The following PCDH11Y variants were observed in gnomAD, a reference collection of about 807,000 sequenced individuals.
PCDH11Y encodes the protein protocadherin 11 Y-linked, also known as protocadherin-11 Y-linked.
For synonymous variants in PCDH11Y, 9 were observed against 83.6 expected, an observed-to-expected ratio of 0.11 and a Z score of 4.87; for missense variants, 12 against 224.8, an observed-to-expected ratio of 0.05 and a Z score of 6.05.
chrY:5,147,352 T>C, intron 2 of PCDH11Y, among the ~76,000 whole-genome samples: 16 of 32,010 alleles, frequency 5.0e-4, no homozygotes, highest in Non-Finnish European at 1.1e-3. Context: ...TAAGTACACA[T>C]AGACATAAAG....
intron 4 of PCDH11Y, among the ~76,000 whole-genome samples, chrY:5,584,541 C>T: frequency 3.4e-5 from 1 of 29,752 alleles, no homozygotes; most frequent in African/African-American, 1.3e-4. Context: ...AGCAGTGAAA[C>T]CCTCTGGTCC....
At chrY:5,475,938 G>C in intron 2 of PCDH11Y, among the ~76,000 whole-genome samples, 1 of 32,618 alleles carries the variant, frequency 3.1e-5, no homozygotes, top group South Asian at 7.0e-4. Flanking sequence ...AGTAAAAATA[G>C]TACAAAAAAT....
chrY:5,079,021 A>T, intron 1 of PCDH11Y, among the ~76,000 whole-genome samples: 1 of 33,843 alleles, frequency 3.0e-5, no homozygotes, highest in South Asian at 6.6e-4. Flanking sequence ...TCCAGATGGG[A>T]GAAATTGGCC....
intron 2 of PCDH11Y, among the ~76,000 whole-genome samples, chrY:5,461,136 TA>T (rs2053302848): frequency 3.0e-5 from 1 of 33,610 alleles, no homozygotes; most frequent in Non-Finnish European, 7.4e-5. Flanking sequence ...TTGAATTATA[TA>T]CGTATATTAT....
At chrY:5,131,057 C>A in intron 2 of PCDH11Y, among the ~76,000 whole-genome samples, 1 of 32,496 alleles carries the variant, frequency 3.1e-5, no homozygotes, top group South Asian at 7.0e-4. Context: ...CATTACTGGG[C>A]ATATACCCAA....
At chrY:5,250,980 A>AG (rs2053003408) in intron 2 of PCDH11Y, among the ~76,000 whole-genome samples, 1 of 32,275 alleles carries the variant, frequency 3.1e-5, no homozygotes, top group Non-Finnish European at 7.6e-5. Context: ...GCCTTTTTAC[A>AG]GAAAAAAAAA....
chrY:5,120,602 G>A, intron 2 of PCDH11Y, among the ~76,000 whole-genome samples: 2 of 32,982 alleles, frequency 6.1e-5, no homozygotes, highest in African/African-American at 2.4e-4. Flanking sequence ...GTAGGTGAAT[G>A]TACTTTTAAA....
chrY:5,432,146 C>A (rs2053269544), intron 2 of PCDH11Y, among the ~76,000 whole-genome samples: 1 of 32,416 alleles, frequency 3.1e-5, no homozygotes, highest in African/African-American at 1.2e-4. Flanking sequence ...GTAAGATTAT[C>A]ATTTACTTAT....
intron 1 of PCDH11Y, among the ~76,000 whole-genome samples, chrY:5,003,426 C>A (rs2124617137): frequency 3.0e-5 from 1 of 33,258 alleles, no homozygotes; most frequent in Admixed American, 2.7e-4. Context: ...AAAAAAAACC[C>A]CCGTGGCTGC....
At chrY:5,678,541 T>TA (rs2053555501) in intron 4 of PCDH11Y, among the ~76,000 whole-genome samples, 1 of 33,321 alleles carries the variant, frequency 3.0e-5, no homozygotes, top group Non-Finnish European at 7.4e-5. Context: ...AAAAAGCCTT[T>TA]AAAAAAATAC....
At chrY:5,192,182 C>A in intron 2 of PCDH11Y, among the ~76,000 whole-genome samples, 2 of 30,168 alleles carry the variant, frequency 6.6e-5, no homozygotes, top group African/African-American at 1.3e-4. Context: ...TATCCACCCA[C>A]CCACCCCCAC....
At chrY:5,557,843 G>C (rs2053424500) in intron 3 of PCDH11Y, among the ~76,000 whole-genome samples, 2 of 31,759 alleles carry the variant, frequency 6.3e-5, no homozygotes, top group East Asian at 1.7e-3. Context: ...TTTAAGGTGT[G>C]TTCCTTTGAT....
At chrY:5,117,566 G>A in intron 2 of PCDH11Y, among the ~76,000 whole-genome samples, 1 of 31,931 alleles carries the variant, frequency 3.1e-5, no homozygotes, top group Admixed American at 2.9e-4. Context: ...TCAAAACTAT[G>A]GATTCTCTCG....
chrY:5,624,868 T>G, intron 4 of PCDH11Y, among the ~76,000 whole-genome samples: 7 of 33,015 alleles, frequency 2.1e-4, no homozygotes, highest in African/African-American at 7.0e-4. Context: ...ATTTAGACTC[T>G]TTTTTGATTC....
intron 1 of PCDH11Y, among the ~76,000 whole-genome samples, chrY:5,012,770 C>T: frequency 4.1e-5 from 1 of 24,374 alleles, no homozygotes; most frequent in Non-Finnish European, 9.2e-5. Flanking sequence ...AAAACATCTT[C>T]ATACTCTATT....
chrY:5,310,404 T>C, intron 2 of PCDH11Y, among the ~76,000 whole-genome samples: 4 of 33,183 alleles, frequency 1.2e-4, no homozygotes, highest in African/African-American at 4.7e-4. Flanking sequence ...GTACAGTAAC[T>C]AGTAGCTATG....
chrY:5,279,400 C>CAA (rs1317323743), intron 2 of PCDH11Y, among the ~76,000 whole-genome samples: 3 of 534 alleles, frequency 5.6e-3, no homozygotes, highest in South Asian at 0.17. Flanking sequence ...AATTCTGTCT[C>CAA]AAAAAAAAAA....
At chrY:5,005,206 T>C in intron 1 of PCDH11Y, among the ~76,000 whole-genome samples, 1 of 33,696 alleles carries the variant, frequency 3.0e-5, no homozygotes, top group Non-Finnish European at 7.3e-5. Context: ...AATTGGGCAA[T>C]AGATAGCACA....
intron 2 of PCDH11Y, among the ~76,000 whole-genome samples, chrY:5,466,516 TGAA>T (rs2053308329): frequency 3.1e-5 from 1 of 32,583 alleles, no homozygotes; most frequent in African/African-American, 1.2e-4. Context: ...TTACTATAAA[TGAA>T]GAATTCAATG....
Sources: gnomAD v4.1 joint callset for allele counts (sites outside exome capture counted in the v4.1 genomes callset) on GRCh38, gnomAD v4.1.1 for gene constraint, MANE v1.5 for transcripts, NCBI Gene and HGNC (gene_info 2026-07-23, HGNC 2026-07-21) for gene names.